Variants in CEACAM7 observed in about 807,000 individuals in gnomAD.
CEACAM7 encodes the protein CEA cell adhesion molecule 7.
Under a neutral mutation model 25.7 loss-of-function variants are expected in CEACAM7, and 24 were observed. That is an observed-to-expected ratio of 0.93 (90% CI 0.68 to 1.31). The LOEUF is 1.31. Among genes scored for constraint, CEACAM7 ranks in the 40% most tolerant of loss-of-function variants. The pLI, the probability that CEACAM7 is intolerant of heterozygous loss-of-function variation, is 0.00. For missense variants in CEACAM7, 324 were observed against 330.1 expected, an observed-to-expected ratio of 0.98 and a Z score of 0.14; for synonymous variants, 144 against 129.4, an observed-to-expected ratio of 1.11 and a Z score of -0.77.
chr19:41,687,114 C>A lies in CEACAM7; in HGVS notation c.172G>T (p.Glu58Ter). The A allele has an allele frequency of 6.2e-7, 1 of 1,614,108 alleles. No homozygotes were observed. Among genetic ancestry groups the A allele is most frequent in the Non-Finnish European group, 8.5e-7 (1 of 1,180,014 alleles). The change falls in exon 2 of 5, where the codon GAG (glutamate) becomes TAG (stop). Residue 58 changes from glutamate to a stop codon, truncating the protein, a stop_gained. Transcript: ENST00000401731. LOFTEE classifies it high-confidence loss of function. ...TTGTAGCCATAAAGATTCTGGGACT[C>A]ATTATGGACTACTAGAAGGACCTCC... ...GKEVLLVVHN[E>*]SQNLYGYNWY...
In CEACAM7 at chr19:41,687,166, G is replaced by A. The variant is rs147314898; in HGVS notation, c.120C>T (p.Val40=). 1.2e-4 allele frequency: 189 copies of A among 1,613,632 alleles called. 1 individual carries two copies. The highest frequency in any genetic ancestry group is 1.5e-4 in the Non-Finnish European group (177 of 1,179,862). ...LPNSAQTNID[V]VPFNVAEGKE... is the part of the protein sequence containing the mutation. The stretch of plus-strand genomic sequence containing the variant: ...TCCCTTCTGCGACATTGAACGGCAC[G>A]ACATCAATATTGGTCTGGGCACTGT... Residue 40 remains valine (V), a synonymous_variant, in exon 2 of 5, where the codon GTC becomes GTT. Coordinates refer to ENST00000401731, the MANE Select transcript of CEACAM7 (RefSeq NM_001291485.2).
intron 1 of CEACAM7, 109 bp from the exon 2 acceptor site, chr19:41,687,330 A>AGT (rs55639350): frequency 0.18 from 136,994 of 775,126 alleles, 4,846 homozygotes; most frequent in East Asian, 0.35. Flanking sequence ...TCTTGAAGTA[A>AGT]GTGTGTGTGT....
At position 41,673,563 on chromosome 19, in the gene CEACAM7, C is replaced by T. The variant is rs1464511804; in HGVS notation, c.*1213G>A. On this transcript the variant is annotated 3_prime_UTR_variant, in exon 5 of 5. Transcript: ENST00000401731. ...TGCTGACTCAGACAGCCTGGACTCT[C>T]ATGTTTTTAGGAAAATTTTGTCTGT... The T allele has an allele frequency of 2.0e-5, 3 of 152,202 alleles. No individual in the cohort carries two copies. Among genetic ancestry groups the T allele is most frequent in the Non-Finnish European group, 2.9e-5 (2 of 68,038 alleles). 9.4% of individuals were successfully genotyped at this position (152,202 alleles called of 1,614,324 possible).
chr19:41,685,551 T>C (rs980714102), intron 2 of CEACAM7, among the ~76,000 whole-genome samples: 1 of 152,148 alleles, frequency 6.6e-6, no homozygotes, highest in Admixed American at 6.5e-5. Context: ...CCTTCATTCA[T>C]TCCCTCCCTC....
chr19:41,686,019 T>G (rs1282111600), intron 2 of CEACAM7, among the ~76,000 whole-genome samples: 1 of 152,180 alleles, frequency 6.6e-6, no homozygotes, highest in Non-Finnish European at 1.5e-5. Context: ...CCTTGCTGTC[T>G]GTGAATTTAC....
intron 2 of CEACAM7, among the ~76,000 whole-genome samples, chr19:41,684,699 GA>G (rs2072210032): frequency 6.6e-6 from 1 of 152,070 alleles, no homozygotes; most frequent in African/African-American, 2.4e-5. Context: ...AAGGGTGAGT[GA>G]GACAAGCAGG....
At chr19:41,682,176 C>T (rs1008395141) in intron 3 of CEACAM7, among the ~76,000 whole-genome samples, 2 of 152,086 alleles carry the variant, frequency 1.3e-5, no homozygotes, top group Non-Finnish European at 2.9e-5. Context: ...TGAGCTCAAG[C>T]GAGCCACCCA....
At chr19:41,678,470 A>C (rs141950062) in intron 3 of CEACAM7, among the ~76,000 whole-genome samples, 378 of 152,232 alleles carry the variant, frequency 2.5e-3, no homozygotes, top group African/African-American at 8.7e-3. Flanking sequence ...ATTTCTCATC[A>C]GTCATCAGTC....
At position 41,673,550 on chromosome 19, in the gene CEACAM7, C is replaced by T. The variant is rs1453572738; in HGVS notation, c.*1226G>A. On this transcript the variant is annotated 3_prime_UTR_variant, in exon 5 of 5. Coordinates refer to ENST00000401731, the MANE Select transcript of CEACAM7 (RefSeq NM_001291485.2). Reference sequence around the variant, plus strand: ...GACTTTCTTACTGTGCTGACTCAGACAGCCTGGACTCTCATGTTTTTAGGA... The same window carrying T: ...GACTTTCTTACTGTGCTGACTCAGATAGCCTGGACTCTCATGTTTTTAGGA... 1 of 152,228 alleles carries T rather than the reference C, an allele frequency of 6.6e-6. No individual in the cohort carries two copies. Among genetic ancestry groups the T allele is most frequent in the Non-Finnish European group, 1.5e-5 (1 of 68,044 alleles). The allele number at this position is 152,228 out of a possible 1,614,324, so 9.4% of individuals were successfully genotyped here. A position where few individuals can be genotyped will look rare whatever the true frequency, so the allele number is the denominator to read the frequency against.
Position 41,687,188 on chromosome 19 carries a change from C to A in CEACAM7, c.98G>T (p.Ser33Ile). The A allele has an allele frequency of 1.9e-6, 3 of 1,610,780 alleles. No individual in the cohort carries two copies. The highest frequency in any genetic ancestry group is 2.5e-6 in the Non-Finnish European group (3 of 1,177,928). ...CACGACATCAATATTGGTCTGGGCA[C>A]TGTTTGGCAGGTTCCAGAAGGTTAA... ...SLLTFWNLPN[S>I]AQTNIDVVPF... The change falls in exon 2 of 5, where the codon AGT becomes ATT. Residue 33 changes from serine to isoleucine, a missense_variant. Physicochemically the swap from Ser to Ile is moderately radical, Grantham distance 142. Coordinates refer to ENST00000401731, the MANE Select transcript of CEACAM7 (RefSeq NM_001291485.2).
rs1041409604 is a variant in CEACAM7 at position 41,682,601 on chromosome 19, C to A, written c.706+1184G>T. Among the ~76,000 whole-genome samples the A allele has an allele frequency of 2.0e-5, 3 of 152,312 alleles. No individual in the cohort carries two copies. In the East Asian group the frequency reaches 5.8e-4, roughly 29 times the overall value. On this transcript the variant is annotated intron_variant, in intron 3 of 4. Transcript: ENST00000401731. ...CCAGATTCAGGACAGGTCGCCCAAG[C>A]ACCTTCTCCACACACCCAGGTCCCA... is the stretch of plus-strand genomic sequence containing the variant.
In CEACAM7 at chr19:41,674,673, A is replaced by C. The variant is rs1476906374; in HGVS notation, c.*103T>G. 3.0e-6 allele frequency: 1 copy of C among 331,706 alleles called. No homozygotes were observed. Among genetic ancestry groups the C allele is most frequent in the Non-Finnish European group, 6.0e-6 (1 of 166,668 alleles). 20.5% of individuals were successfully genotyped at this position (331,706 alleles called of 1,614,324 possible). ...GCTTATAGGTCTTCAGGAAGAGAGC[A>C]GGTCTTATACTTAGTGATGCCACAG... On this transcript the variant is annotated 3_prime_UTR_variant, in exon 5 of 5. Coordinates refer to ENST00000401731, the MANE Select transcript of CEACAM7 (RefSeq NM_001291485.2).
intron 3 of CEACAM7, among the ~76,000 whole-genome samples, chr19:41,679,803 T>TC (rs2072154443): frequency 2.1e-5 from 1 of 48,040 alleles, no homozygotes; most frequent in African/African-American, 4.6e-5. Flanking sequence ...CTCTCTCTCT[T>TC]TTTTTTTTTT....
At chr19:41,680,816 C>A (rs1555810609) in intron 3 of CEACAM7, among the ~76,000 whole-genome samples, 2 of 151,880 alleles carry the variant, frequency 1.3e-5, no homozygotes, top group African/African-American at 4.8e-5. Context: ...CTATAAAACT[C>A]TTAGAAGAAA....
chr19:41,679,798 TC>T (rs1781580793), intron 3 of CEACAM7, among the ~76,000 whole-genome samples: 9 of 98,468 alleles, frequency 9.1e-5, no homozygotes, highest in African/African-American at 2.6e-4. Context: ...TCTCTCTCTC[TC>T]TCTTTTTTTT....
At chr19:41,684,163 C>T (rs941301284) in intron 2 of CEACAM7, 100 bp from the exon 3 acceptor site, 3 of 1,315,914 alleles carry the variant, frequency 2.3e-6, no homozygotes, top group East Asian at 2.3e-5. Flanking sequence ...TCTAAGCCCA[C>T]TCAAGTCCTT....
chr19:41,675,430 A>G (rs1369075288), intron 4 of CEACAM7, among the ~76,000 whole-genome samples: 1 of 152,228 alleles, frequency 6.6e-6, no homozygotes, highest in Non-Finnish European at 1.5e-5. Context: ...TCATAAAAAC[A>G]TTATCCTCAT....
intron 3 of CEACAM7, among the ~76,000 whole-genome samples, chr19:41,680,045 T>C (rs1555810543): frequency 6.9e-6 from 1 of 145,662 alleles, no homozygotes; most frequent in Non-Finnish European, 1.5e-5. Flanking sequence ...GTCTCGAACT[T>C]GTGACCCCAA....
rs2072190283 is a variant in CEACAM7 at position 41,682,991 on chromosome 19, G to A, written c.706+794C>T. Among the ~76,000 whole-genome samples, 3 of 152,228 alleles carry A rather than the reference G, an allele frequency of 2.0e-5. No individual in the cohort carries two copies. The South Asian group carries it at 6.2e-4, about 31-fold the overall frequency. ...TGAAGTACAGGGAGGAGGGTCTGCA[G>A]AGACAGAGTGAGAGGGTTCAGCGGG... On this transcript the variant is annotated intron_variant, in intron 3 of 4. Transcript: ENST00000401731.
Sources: gnomAD v4.1 joint callset for allele counts (sites outside exome capture counted in the v4.1 genomes callset) on GRCh38, gnomAD v4.1.1 for gene constraint, MANE v1.5 for transcripts, NCBI Gene and HGNC (gene_info 2026-07-23, HGNC 2026-07-21) for gene names.